Variants in BRINP3 observed in about 807,000 individuals in gnomAD.
The protein encoded by BRINP3 is BMP/retinoic acid inducible neural specific 3, also known as BMP/retinoic acid-inducible neural-specific protein 3.
A neutral mutation model predicts 71.0 loss-of-function variants in BRINP3; 19 were observed. That is an observed-to-expected ratio of 0.27 (90% CI 0.19 to 0.39). BRINP3 has a LOEUF of 0.39. Ranked by LOEUF, BRINP3 falls within the 10% of genes least tolerant of loss-of-function variation. The probability of loss-of-function intolerance (pLI) is 1.00; values close to 1 mark genes in which losing one functional copy is unlikely to be tolerated. For synonymous variants in BRINP3, 380 were observed against 337.7 expected (o/e 1.13, Z -1.37); for missense variants, 959 against 940.8 (o/e 1.02, Z -0.25).
intron 2 of BRINP3, among the ~76,000 whole-genome samples, chr1:190,411,325 A>G (rs924185416): frequency 2.4e-4 from 36 of 152,316 alleles, no homozygotes; most frequent in Admixed American, 2.0e-3. Context: ...ATGTGAAAAT[A>G]AAAGTAAAGC....
rs78954449 is a variant in BRINP3 at position 190,223,376 on chromosome 1, G to A, written c.961+2706C>T. On this transcript the variant is annotated intron_variant, in intron 6 of 7. Coordinates refer to ENST00000367462, the MANE Select transcript of BRINP3 (RefSeq NM_199051.3). ...GTTCAACACATGCAAATCAACAAAC[G>A]TGATGCATCACATTAGCAGAATCAA... is the stretch of plus-strand genomic sequence containing the variant. Among the ~76,000 whole-genome samples the A allele has an allele frequency of 6.4e-4, 97 of 151,960 alleles. 3 individuals carry two copies. The East Asian group carries it at 0.013, about 20-fold the overall frequency.
chr1:190,220,887 T>G (rs1441356432), intron 6 of BRINP3, among the ~76,000 whole-genome samples: 1 of 152,176 alleles, frequency 6.6e-6, no homozygotes, highest in Non-Finnish European at 1.5e-5. Flanking sequence ...GAATACTCTG[T>G]CACTTTAATT....
chr1:190,364,780 A>G (rs1669378433), intron 2 of BRINP3, among the ~76,000 whole-genome samples: 1 of 152,124 alleles, frequency 6.6e-6, no homozygotes, highest in Non-Finnish European at 1.5e-5. Context: ...TGTCTTTGCT[A>G]ATAACATTTA....
intron 7 of BRINP3, among the ~76,000 whole-genome samples, chr1:190,121,421 TA>T (rs1653648181): frequency 6.6e-6 from 1 of 152,084 alleles, no homozygotes; most frequent in Non-Finnish European, 1.5e-5. Flanking sequence ...TAAGGTAACT[TA>T]AAACAAAGAC....
chr1:190,413,963 T>C (rs1307320196), intron 2 of BRINP3, among the ~76,000 whole-genome samples: 1 of 152,016 alleles, frequency 6.6e-6, no homozygotes, highest in Non-Finnish European at 1.5e-5. Context: ...ATTTAAAAAA[T>C]ATTTTATTTT....
chr1:190,423,003 A>T (rs1292394730), intron 2 of BRINP3, among the ~76,000 whole-genome samples: 2 of 151,802 alleles, frequency 1.3e-5, no homozygotes, highest in African/African-American at 4.8e-5. Flanking sequence ...ACAGATGTCC[A>T]CTTGCAGCCT....
intron 7 of BRINP3, among the ~76,000 whole-genome samples, chr1:190,143,204 T>G (rs975570817): frequency 2.6e-5 from 4 of 152,182 alleles, no homozygotes; most frequent in African/African-American, 9.6e-5. Flanking sequence ...TTTTGGCTTA[T>G]GGAGAACAGC....
chr1:190,421,316 A>ATTATTATT (rs1553316980), intron 2 of BRINP3, among the ~76,000 whole-genome samples: 2,047 of 145,540 alleles, frequency 0.014, 32 homozygotes, highest in South Asian at 0.023. Context: ...TATTATTATT[A>ATTATTATT]TTATTATTAT....
chr1:190,339,734 C>A (rs1051490140), intron 2 of BRINP3, among the ~76,000 whole-genome samples: 4 of 151,822 alleles, frequency 2.6e-5, no homozygotes, highest in Non-Finnish European at 5.9e-5. Flanking sequence ...CAATATAATT[C>A]ATTTAGGCAT....
At chr1:190,108,498 T>C (rs1652386413) in intron 7 of BRINP3, among the ~76,000 whole-genome samples, 1 of 151,310 alleles carries the variant, frequency 6.6e-6, no homozygotes, top group Admixed American at 6.6e-5. Context: ...GGGAGAAGAG[T>C]ACATAGGTAT....
chr1:190,114,118 G>C (rs929898526), intron 7 of BRINP3, among the ~76,000 whole-genome samples: 1 of 152,098 alleles, frequency 6.6e-6, no homozygotes, highest in Non-Finnish European at 1.5e-5. Context: ...CTCATGAATG[G>C]AGTGAGTTGT....
intron 2 of BRINP3, among the ~76,000 whole-genome samples, chr1:190,299,846 A>C (rs1439484605): frequency 1.3e-5 from 2 of 151,854 alleles, no homozygotes; most frequent in Non-Finnish European, 2.9e-5. Flanking sequence ...CTGGGTTGAA[A>C]ATTCTTTTCT....
intron 7 of BRINP3, among the ~76,000 whole-genome samples, chr1:190,157,596 T>C (rs1049051693): frequency 6.6e-6 from 1 of 152,118 alleles, no homozygotes; most frequent in Non-Finnish European, 1.5e-5. Context: ...AAATAATGTA[T>C]TACATGGTTT....
chr1:190,353,245 C>A (rs756540168), intron 2 of BRINP3, among the ~76,000 whole-genome samples: 1 of 151,814 alleles, frequency 6.6e-6, no homozygotes, highest in Non-Finnish European at 1.5e-5. Flanking sequence ...ATTAATAATA[C>A]AAAATTCACA....
At chr1:190,309,968 T>A (rs929230294) in intron 2 of BRINP3, among the ~76,000 whole-genome samples, 1 of 151,768 alleles carries the variant, frequency 6.6e-6, no homozygotes, top group African/African-American at 2.4e-5. Context: ...CCAGATTTCA[T>A]AGAGATCCCT....
At chr1:190,118,044 T>G (rs1220908916) in intron 7 of BRINP3, among the ~76,000 whole-genome samples, 1 of 152,058 alleles carries the variant, frequency 6.6e-6, no homozygotes, top group Admixed American at 6.6e-5. Context: ...TGCATTATGT[T>G]TTTGGGCAAA....
At chr1:190,275,387 A>G (rs954888926) in intron 3 of BRINP3, among the ~76,000 whole-genome samples, 3 of 151,734 alleles carry the variant, frequency 2.0e-5, no homozygotes, top group African/African-American at 7.2e-5. Context: ...GTGCATATAA[A>G]TCACCTGGAG....
intron 3 of BRINP3, among the ~76,000 whole-genome samples, chr1:190,280,756 G>A (rs1662972054): frequency 6.6e-6 from 1 of 151,870 alleles, no homozygotes; most frequent in African/African-American, 2.4e-5. Flanking sequence ...TTTATACAGT[G>A]TTCTTCATTA....
At chr1:190,364,532 G>T (rs578242500) in intron 2 of BRINP3, among the ~76,000 whole-genome samples, 1 of 151,910 alleles carries the variant, frequency 6.6e-6, no homozygotes, top group Non-Finnish European at 1.5e-5. Context: ...AAACAGTCTT[G>T]CCCTATGAAA....
Sources: allele counts gnomAD v4.1 joint callset (sites outside exome capture counted in the v4.1 genomes callset), GRCh38; gene constraint gnomAD v4.1.1; transcripts MANE v1.5; gene names NCBI Gene and HGNC (gene_info 2026-07-23, HGNC 2026-07-21).